The following CDK6 variants were observed in gnomAD, a reference collection of about 807,000 sequenced individuals.
The protein encoded by CDK6 is cyclin dependent kinase 6.
A neutral mutation model predicts 37.1 loss-of-function variants in CDK6; 6 were observed. That is an observed-to-expected ratio of 0.16 (90% CI 0.09 to 0.32). CDK6 has a LOEUF of 0.32. CDK6 is among the 10% of genes least tolerant of loss of function. The probability of loss-of-function intolerance (pLI) is 1.00; values close to 1 mark genes in which losing one functional copy is unlikely to be tolerated. For synonymous variants in CDK6, 160 were observed against 161.3 expected, an observed-to-expected ratio of 0.99 and a Z score of 0.06; for missense variants, 224 against 418.9, an observed-to-expected ratio of 0.53 and a Z score of 4.06.
chr7:92,677,677 C>T (rs1329204877), intron 4 of CDK6, among the ~76,000 whole-genome samples: 4 of 152,076 alleles, frequency 2.6e-5, no homozygotes, highest in Admixed American at 6.5e-5. Context: ...TAGTTGTTTC[C>T]TGGTTTATGT....
intron 2 of CDK6, among the ~76,000 whole-genome samples, chr7:92,787,606 T>C (rs1800178036): frequency 6.6e-6 from 1 of 152,154 alleles, no homozygotes; most frequent in African/African-American, 2.4e-5. Context: ...GAAAAAATAA[T>C]ATGTATGCAT....
At chr7:92,817,532 A>C (rs1801061000) in intron 2 of CDK6, among the ~76,000 whole-genome samples, 1 of 151,966 alleles carries the variant, frequency 6.6e-6, no homozygotes, top group South Asian at 2.1e-4. Context: ...GAAAACTTAC[A>C]GCTAACATCA....
chr7:92,832,934 C>A (rs1265813270), intron 2 of CDK6, among the ~76,000 whole-genome samples, 157 bp downstream of exon 2: 1 of 152,116 alleles, frequency 6.6e-6, no homozygotes, highest in Non-Finnish European at 1.5e-5. Context: ...GCGGCTCTGT[C>A]GACAAAACTT....
At chr7:92,643,319 T>C (rs1033557197) in intron 5 of CDK6, among the ~76,000 whole-genome samples, 2 of 152,200 alleles carry the variant, frequency 1.3e-5, no homozygotes. Context: ...TGTAAGTCCA[T>C]GAAGAACTTG....
At chr7:92,719,151 C>G (rs1443283801) in intron 4 of CDK6, among the ~76,000 whole-genome samples, 1 of 151,992 alleles carries the variant, frequency 6.6e-6, no homozygotes, top group African/African-American at 2.4e-5. Context: ...ACTTTAAGTT[C>G]CAGGGTACAT....
chr7:92,734,931 T>C (rs1798748894), intron 3 of CDK6, among the ~76,000 whole-genome samples: 1 of 152,196 alleles, frequency 6.6e-6, no homozygotes, highest in African/African-American at 2.4e-5. Flanking sequence ...CAGAAGCAAC[T>C]TGCCCAGGGG....
chr7:92,742,674 T>C (rs907245027), intron 3 of CDK6, among the ~76,000 whole-genome samples: 1 of 150,606 alleles, frequency 6.6e-6, no homozygotes, highest in African/African-American at 2.4e-5. Context: ...CTTTAAAGTT[T>C]GTAAACTCTT....
At chr7:92,725,496 A>G in intron 4 of CDK6, 130 bp downstream of exon 4, 1 of 1,127,782 alleles carries the variant, frequency 8.9e-7, no homozygotes, top group Non-Finnish European at 1.2e-6. Flanking sequence ...GCCATATAAA[A>G]ATGGGCAAAG....
intron 5 of CDK6, among the ~76,000 whole-genome samples, chr7:92,654,714 T>C (rs1796651912): frequency 6.6e-6 from 1 of 152,130 alleles, no homozygotes; most frequent in African/African-American, 2.4e-5. Flanking sequence ...ACAGGAAAGG[T>C]AGTGGGAAGA....
intron 2 of CDK6, among the ~76,000 whole-genome samples, chr7:92,801,391 T>A (rs964191718): frequency 6.6e-6 from 1 of 152,122 alleles, no homozygotes; most frequent in Non-Finnish European, 1.5e-5. Flanking sequence ...TAACTGTACA[T>A]ACATGCGTGC....
rs1795418609 is a variant in CDK6 at position 92,605,976 on chromosome 7, C to T, written c.*9164G>A. The T allele has an allele frequency of 4.3e-6, 1 of 233,706 alleles. No homozygotes were observed. Among genetic ancestry groups the T allele is most frequent in the East Asian group, 6.0e-5 (1 of 16,586 alleles). The allele number at this position is 233,706 out of a possible 1,614,324, so 14.5% of individuals were successfully genotyped here. On this transcript the variant is annotated 3_prime_UTR_variant, in exon 8 of 8. Transcript: ENST00000424848. ...CAGGCAGTGAATTTCCACACTGCTTCTTGGGTCTGCAGAACTCAAAGCACC... is the reference window on the plus strand; with the variant it reads ...CAGGCAGTGAATTTCCACACTGCTTTTTGGGTCTGCAGAACTCAAAGCACC...
At chr7:92,781,619 T>C (rs1799994022) in intron 2 of CDK6, among the ~76,000 whole-genome samples, 1 of 152,216 alleles carries the variant, frequency 6.6e-6, no homozygotes, top group South Asian at 2.1e-4. Flanking sequence ...ATCTGTCTTA[T>C]TTGCTGTGAT....
intron 2 of CDK6, among the ~76,000 whole-genome samples, chr7:92,778,679 T>A (rs1477839045): frequency 1.3e-5 from 2 of 152,104 alleles, no homozygotes. Flanking sequence ...TTTCTTTATA[T>A]CTGTTGCTTG....
intron 4 of CDK6, among the ~76,000 whole-genome samples, chr7:92,704,095 C>T (rs909686247): frequency 4.6e-5 from 7 of 152,124 alleles, no homozygotes; most frequent in Non-Finnish European, 7.4e-5. Context: ...CTATCTCCTA[C>T]GCAAAAGACC....
At chr7:92,708,721 A>G (rs938908141) in intron 4 of CDK6, among the ~76,000 whole-genome samples, 1 of 152,236 alleles carries the variant, frequency 6.6e-6, no homozygotes, top group Non-Finnish European at 1.5e-5. Context: ...TACAATTGGG[A>G]TAAACATTAA....
Position 92,834,011 on chromosome 7 carries a change from G to C in CDK6, c.-367-321C>G, listed in dbSNP as rs1479161144. ...CCCAGAGTGTGCCGGGAGCGCGGGG[G>C]AGGGGAGGCGCCGGGCACGTCAATG... On this transcript the variant is annotated intron_variant, in intron 1 of 7. Transcript: ENST00000424848. This position sits in a 1 kb window ranked among gnomAD's most constrained non-coding sequence, Gnocchi z 4.6. 4 of 398,008 alleles carry C rather than the reference G, an allele frequency of 1.0e-5. No individual in the cohort carries two copies. The highest frequency in any genetic ancestry group is 1.3e-5 in the Non-Finnish European group (3 of 225,966). The allele number at this position is 398,008 out of a possible 1,614,324, so 24.7% of individuals were successfully genotyped here.
chr7:92,668,103 A>AT (rs1039175938), intron 5 of CDK6, among the ~76,000 whole-genome samples: 1 of 152,076 alleles, frequency 6.6e-6, no homozygotes, highest in African/African-American at 2.4e-5. Context: ...ATCATTTTTT[A>AT]TTTTTTATAC....
intron 2 of CDK6, among the ~76,000 whole-genome samples, chr7:92,798,185 G>A (rs948309984): frequency 2.0e-5 from 3 of 152,028 alleles, no homozygotes; most frequent in Admixed American, 2.0e-4. Context: ...AGGCATTAAT[G>A]AATAAAAAGC....
At chr7:92,618,460 G>A (rs987590947) in intron 6 of CDK6, among the ~76,000 whole-genome samples, 1 of 152,170 alleles carries the variant, frequency 6.6e-6, no homozygotes, top group Admixed American at 6.5e-5. Flanking sequence ...TCTGGTAGCA[G>A]ACACTAAATG....
Sources: gnomAD v4.1 joint callset for allele counts (sites outside exome capture counted in the v4.1 genomes callset) on GRCh38, gnomAD v4.1.1 for gene constraint, Gnocchi (gnomAD v3.1) non-coding constraint, MANE v1.5 for transcripts, NCBI Gene and HGNC (gene_info 2026-07-23, HGNC 2026-07-21) for gene names.